ANGPT1: variants seen among roughly 807,000 people sequenced by gnomAD.
ANGPT1 encodes angiopoietin 1, also known as angiopoietin-1.
In ANGPT1, 17 loss-of-function variants were observed where a neutral mutation model predicts 62.2. The ratio of observed to expected loss-of-function variants is 0.27; its 90% CI spans 0.19 to 0.41. The LOEUF (loss-of-function observed/expected upper bound fraction) is 0.41, where lower values mean the gene tolerates loss of function less well. ANGPT1 is among the 10% of genes least tolerant of loss of function. The pLI is 1.00. For synonymous variants in ANGPT1, 199 were observed against 198.9 expected (o/e 1.00, Z 0.00); for missense variants, 478 against 594.9 (o/e 0.80, Z 2.04).
In ANGPT1 at chr8:107,385,748, T is replaced by C. The variant is rs149350766; in HGVS notation, c.298-38651A>G. The stretch of plus-strand genomic sequence containing the variant: ...ATGCTTCCAGCTTTTGCCTGTTCAG[T>C]ACGATGTTGCTGTGGGTTTGTCATA... On this transcript the variant is annotated intron_variant, in intron 1 of 8. Coordinates refer to ENST00000517746, the MANE Select transcript of ANGPT1 (RefSeq NM_001146.5). Among the ~76,000 whole-genome samples the C allele has an allele frequency of 1.3e-3, 197 of 152,226 alleles. 1 individual carries two copies. The highest frequency in any genetic ancestry group is 4.7e-3 in the African/African-American group (195 of 41,554).
intron 1 of ANGPT1, among the ~76,000 whole-genome samples, chr8:107,379,737 T>C (rs1816598078): frequency 6.6e-6 from 1 of 152,158 alleles, no homozygotes; most frequent in Non-Finnish European, 1.5e-5. Context: ...TTTTAACCTA[T>C]AGCTTTATGG....
At chr8:107,305,971 T>C (rs1814705318) in intron 4 of ANGPT1, among the ~76,000 whole-genome samples, 1 of 152,052 alleles carries the variant, frequency 6.6e-6, no homozygotes. Context: ...TTGATAAGGG[T>C]AGATTGACCT....
chr8:107,417,720 C>T (rs1324678590), intron 1 of ANGPT1, among the ~76,000 whole-genome samples: 2 of 152,136 alleles, frequency 1.3e-5, no homozygotes, highest in East Asian at 3.9e-4. Context: ...ATCTGAAGGG[C>T]ATATTACTTT....
chr8:107,334,179 G>C (rs560634074), intron 3 of ANGPT1, among the ~76,000 whole-genome samples: 33 of 152,186 alleles, frequency 2.2e-4, no homozygotes, highest in African/African-American at 7.7e-4. Flanking sequence ...TATCATGACA[G>C]CTCAAGGGTC....
Position 107,479,688 on chromosome 8 carries a change from A to C in ANGPT1, c.297+17574T>G, listed in dbSNP as rs539511709. Among the ~76,000 whole-genome samples the C allele has an allele frequency of 2.0e-5, 3 of 152,322 alleles. No homozygotes were observed. The South Asian group carries it at 6.2e-4, about 32-fold the overall frequency. ...AGAGTTATAAAATAACTTCATGACT[A>C]GATTCTCAAAAATCCAAATTCCCAG... On this transcript the variant is annotated intron_variant, in intron 1 of 8. Transcript: ENST00000517746.
intron 4 of ANGPT1, among the ~76,000 whole-genome samples, chr8:107,311,935 G>A (rs965468424): frequency 3.9e-5 from 6 of 151,980 alleles, no homozygotes; most frequent in Admixed American, 3.9e-4. Context: ...GTGGTGGCGG[G>A]CGCCTGTAGT....
intron 4 of ANGPT1, among the ~76,000 whole-genome samples, chr8:107,309,759 T>G (rs1814805018): frequency 6.6e-6 from 1 of 152,186 alleles, no homozygotes; most frequent in Non-Finnish European, 1.5e-5. Flanking sequence ...CATACAAACC[T>G]AAATATCTGT....
At chr8:107,392,224 C>T (rs62513195) in intron 1 of ANGPT1, among the ~76,000 whole-genome samples, 46,472 of 151,604 alleles carry the variant, frequency 0.31, 8,226 homozygotes, top group East Asian at 0.59. Flanking sequence ...ATTTTTATTC[C>T]AGTAGGATAG....
intron 5 of ANGPT1, among the ~76,000 whole-genome samples, chr8:107,298,540 C>G (rs750238677): frequency 5.9e-5 from 9 of 151,826 alleles, no homozygotes; most frequent in Non-Finnish European, 1.2e-4. Flanking sequence ...TGACCTAAAT[C>G]TAATTTTCTT....
At chr8:107,470,987 G>A (rs896264851) in intron 1 of ANGPT1, among the ~76,000 whole-genome samples, 10 of 152,134 alleles carry the variant, frequency 6.6e-5, no homozygotes, top group African/African-American at 2.2e-4. Context: ...AGACAGTGTG[G>A]CAATTCCTCA....
At chr8:107,351,845 C>G (rs1355607702) in intron 1 of ANGPT1, among the ~76,000 whole-genome samples, 1 of 152,048 alleles carries the variant, frequency 6.6e-6, no homozygotes, top group Non-Finnish European at 1.5e-5. Flanking sequence ...TTGTAAAATA[C>G]AACAAAGGGA....
chr8:107,253,681 T>C (rs950129292), intron 8 of ANGPT1, among the ~76,000 whole-genome samples: 3 of 152,174 alleles, frequency 2.0e-5, no homozygotes, highest in African/African-American at 7.2e-5. Context: ...TTTTGTTTAT[T>C]TGGTTTATAG....
intron 4 of ANGPT1, among the ~76,000 whole-genome samples, chr8:107,305,478 G>C (rs1474224275): frequency 6.6e-6 from 1 of 151,908 alleles, no homozygotes; most frequent in East Asian, 1.9e-4. Flanking sequence ...AAGTGGCTAT[G>C]TGTGGGAAGA....
At chr8:107,254,259 C>T (rs866832739) in intron 8 of ANGPT1, among the ~76,000 whole-genome samples, 1 of 151,994 alleles carries the variant, frequency 6.6e-6, no homozygotes, top group Non-Finnish European at 1.5e-5. Context: ...TTATTGTATT[C>T]ATTTTTTTCT....
At chr8:107,360,711 T>A (rs1816143980) in intron 1 of ANGPT1, among the ~76,000 whole-genome samples, 2 of 152,182 alleles carry the variant, frequency 1.3e-5, no homozygotes, top group South Asian at 4.1e-4. Context: ...GTTGCCATCA[T>A]TAAGCGGGAA....
chr8:107,333,499 G>A (rs1815473436), intron 3 of ANGPT1, among the ~76,000 whole-genome samples: 1 of 152,030 alleles, frequency 6.6e-6, no homozygotes, highest in Non-Finnish European at 1.5e-5. Context: ...TACTAGAAAA[G>A]GAAATTGCTA....
chr8:107,471,740 T>C (rs1812364331), intron 1 of ANGPT1, among the ~76,000 whole-genome samples: 1 of 152,088 alleles, frequency 6.6e-6, no homozygotes, highest in Non-Finnish European at 1.5e-5. Context: ...AGCTTAGCTA[T>C]TCTCAGATTT....
At chr8:107,286,655 G>A (rs1305593051) in intron 6 of ANGPT1, among the ~76,000 whole-genome samples, 1 of 151,946 alleles carries the variant, frequency 6.6e-6, no homozygotes, top group African/African-American at 2.4e-5. Context: ...TAAGTTTTTT[G>A]ATAGGCTGAA....
intron 1 of ANGPT1, among the ~76,000 whole-genome samples, chr8:107,405,283 A>G (rs941572297): frequency 6.6e-6 from 1 of 151,914 alleles, no homozygotes; most frequent in Non-Finnish European, 1.5e-5. Flanking sequence ...ATAAATTGAG[A>G]TCGTACTCTA....
Sources: gnomAD v4.1 joint callset for allele counts (sites outside exome capture counted in the v4.1 genomes callset) on GRCh38, gnomAD v4.1.1 for gene constraint, MANE v1.5 for transcripts, NCBI Gene and HGNC (gene_info 2026-07-23, HGNC 2026-07-21) for gene names.